ABHD12: variants seen among roughly 807,000 people sequenced by gnomAD.
The protein encoded by ABHD12 is lysophosphatidylserine lipase ABHD12.
In ABHD12, 43 loss-of-function variants were observed where a neutral mutation model predicts 58.3. That is an observed-to-expected ratio of 0.74 (90% confidence interval 0.58 to 0.95). The LOEUF (loss-of-function observed/expected upper bound fraction) is 0.95. ABHD12 is among the 40% of genes least tolerant of loss of function. The pLI is 0.00. For synonymous variants in ABHD12, 219 were observed against 211.2 expected, an observed-to-expected ratio of 1.04 and a Z score of -0.32; for missense variants, 539 against 537.2, an observed-to-expected ratio of 1.00 and a Z score of -0.03.
chr20:25,323,780 A>G (rs2089124628), intron 2 of ABHD12, among the ~76,000 whole-genome samples: 1 of 152,160 alleles, frequency 6.6e-6, no homozygotes, highest in African/African-American at 2.4e-5. Context: ...TGAGGGAAGG[A>G]AAGATCCCCA....
At chr20:25,332,295 G>C (rs1420604920) in intron 2 of ABHD12, among the ~76,000 whole-genome samples, 1 of 151,594 alleles carries the variant, frequency 6.6e-6, no homozygotes, top group East Asian at 1.9e-4. Context: ...GGAGCACCCA[G>C]ATTCATAAAG....
intron 1 of ABHD12, 151 bp downstream of exon 1, chr20:25,390,362 T>C (rs1230549354): frequency 2.5e-6 from 2 of 803,386 alleles, no homozygotes; most frequent in African/African-American, 1.8e-5. Context: ...GCGGGCCAAA[T>C]GCGGGACACA....
intron 1 of ABHD12, among the ~76,000 whole-genome samples, chr20:25,340,087 C>T (rs562237286): frequency 6.6e-6 from 1 of 152,308 alleles, no homozygotes; most frequent in South Asian, 2.1e-4. Context: ...CTCTACAGTA[C>T]AAAATTGAGG....
downstream of ABHD12, among the ~76,000 whole-genome samples, chr20:25,298,722 C>CCAT (rs1487322513): frequency 6.6e-6 from 1 of 152,212 alleles, no homozygotes; most frequent in Non-Finnish European, 1.5e-5. Context: ...AAAGCATCGC[C>CCAT]CATCAATTGT....
At chr20:25,326,948 A>T (rs1296267236) in intron 2 of ABHD12, among the ~76,000 whole-genome samples, 1 of 152,218 alleles carries the variant, frequency 6.6e-6, no homozygotes, top group African/African-American at 2.4e-5. Flanking sequence ...CCTTAAATGC[A>T]GTGCTAAAAC....
chr20:25,341,173 C>T (rs1359303193), intron 1 of ABHD12, among the ~76,000 whole-genome samples: 2 of 152,178 alleles, frequency 1.3e-5, no homozygotes, highest in Non-Finnish European at 1.5e-5. Context: ...AGGATGGCGC[C>T]CGCACTTGTG....
In ABHD12 at chr20:25,314,919, T is replaced by C; in HGVS notation, c.619+6A>G. ...TGCTCAGATGCTCTTGCAAAAGAAA[T>C]CTCACCTCTGTAGTCAAAGGTGACC... On this transcript the variant is annotated splice_donor_region_variant and intron_variant, in intron 6 of 12. Coordinates refer to ENST00000339157, the MANE Select transcript of ABHD12 (RefSeq NM_001042472.3). 10 of 1,614,002 alleles carry C rather than the reference T, an allele frequency of 6.2e-6. No individual in the cohort carries two copies. Among genetic ancestry groups the C allele is most frequent in the Non-Finnish European group, 8.5e-6 (10 of 1,179,968 alleles).
chr20:25,326,027 T>C (rs1363829711), intron 2 of ABHD12, among the ~76,000 whole-genome samples: 1 of 142,458 alleles, frequency 7.0e-6, no homozygotes. Context: ...GCTGAGATCA[T>C]GCCACTTCAC....
chr20:25,345,445 G>A (rs1232236913), intron 1 of ABHD12, among the ~76,000 whole-genome samples: 16 of 152,084 alleles, frequency 1.1e-4, no homozygotes, highest in Admixed American at 1.0e-3. Context: ...ATATTAACAA[G>A]CTAGGTTTCA....
intron 1 of ABHD12, among the ~76,000 whole-genome samples, chr20:25,386,862 C>T (rs2146146795): frequency 6.6e-6 from 1 of 151,948 alleles, no homozygotes; most frequent in Admixed American, 6.5e-5. Flanking sequence ...GCCTGGGCAA[C>T]AGAGTGAAAC....
intron 1 of ABHD12, among the ~76,000 whole-genome samples, chr20:25,384,400 A>G (rs1193326969): frequency 6.6e-6 from 1 of 150,642 alleles, no homozygotes; most frequent in African/African-American, 2.4e-5. Context: ...AGTTGGCAAT[A>G]CTACACACAC....
intron 1 of ABHD12, among the ~76,000 whole-genome samples, chr20:25,389,405 A>G (rs2090139008): frequency 6.6e-6 from 1 of 152,174 alleles, no homozygotes; most frequent in Non-Finnish European, 1.5e-5. Flanking sequence ...TAGGAGCGAT[A>G]CGCATATTTT....
chr20:25,305,511 A>C (rs569844942), intron 10 of ABHD12, among the ~76,000 whole-genome samples: 11 of 151,848 alleles, frequency 7.2e-5, no homozygotes, highest in East Asian at 3.9e-4. Flanking sequence ...TACAGGCACG[A>C]GCCACCACAC....
chr20:25,373,795 T>C (rs2089928046), intron 1 of ABHD12, among the ~76,000 whole-genome samples: 1 of 152,176 alleles, frequency 6.6e-6, no homozygotes, highest in Admixed American at 6.5e-5. Context: ...GGGTTTACAG[T>C]TTTCACCAAG....
downstream of ABHD12, chr20:25,296,502 C>T: frequency 1.2e-6 from 2 of 1,613,612 alleles, no homozygotes; most frequent in Non-Finnish European, 8.5e-7. Flanking sequence ...GATCCCGCCC[C>T]CCAACATCCC....
chr20:25,309,017 G>T (rs1600771270), intron 7 of ABHD12, among the ~76,000 whole-genome samples: 1 of 152,346 alleles, frequency 6.6e-6, no homozygotes, highest in East Asian at 1.9e-4. Context: ...GAAGGTCTGG[G>T]GACTGGGGCC....
chr20:25,384,434 C>CA (rs1176440319), intron 1 of ABHD12, among the ~76,000 whole-genome samples: 91 of 143,720 alleles, frequency 6.3e-4, no homozygotes, highest in South Asian at 2.0e-3. Context: ...CACACTAAGA[C>CA]AAAAAAAAAA....
At chr20:25,390,285 G>T (rs995634591) in intron 1 of ABHD12, among the ~76,000 whole-genome samples, 3 of 152,180 alleles carry the variant, frequency 2.0e-5, no homozygotes, top group African/African-American at 7.2e-5. Context: ...CAGGACACAG[G>T]GGGTCAGCGG....
intron 10 of ABHD12, among the ~76,000 whole-genome samples, chr20:25,305,026 C>T (rs1397406597): frequency 6.6e-6 from 1 of 152,148 alleles, no homozygotes; most frequent in Non-Finnish European, 1.5e-5. Context: ...GCATGTGCCA[C>T]CACACCTGGC....
Sources: allele counts gnomAD v4.1 joint callset (sites outside exome capture counted in the v4.1 genomes callset), GRCh38; gene constraint gnomAD v4.1.1; transcripts MANE v1.5; gene names NCBI Gene and HGNC (gene_info 2026-07-23, HGNC 2026-07-21).